Variants in CHN2 observed in about 807,000 individuals in gnomAD.
CHN2 encodes chimerin 2.
CHN2 carries 35 observed loss-of-function variants against 56.3 expected under a neutral mutation model. That is an observed-to-expected ratio of 0.62 (90% CI 0.47 to 0.82). The LOEUF (loss-of-function observed/expected upper bound fraction) is 0.82, where lower values mean the gene tolerates loss of function less well. Among genes scored for constraint, CHN2 ranks in the 40% least tolerant of loss-of-function variants. The pLI is 0.00. For missense variants in CHN2, 491 were observed against 580.5 expected (o/e 0.85, Z 1.58); for synonymous variants, 210 against 212.8 (o/e 0.99, Z 0.12).
At chr7:29,201,393 T>C (rs1232855859) in intron 1 of CHN2, among the ~76,000 whole-genome samples, 2 of 151,222 alleles carry the variant, frequency 1.3e-5, no homozygotes, top group East Asian at 3.9e-4. Context: ...AGTAGCATCA[T>C]CCTTAGAGAA....
At chr7:29,463,137 C>A (rs576875365) in intron 6 of CHN2, among the ~76,000 whole-genome samples, 1 of 152,148 alleles carries the variant, frequency 6.6e-6, no homozygotes, top group East Asian at 1.9e-4. Context: ...TCATTAATAC[C>A]TAGCATTTCT....
rs1800453558 is a variant in CHN2, at chr7:29,380,990, C to G, written c.145-12689C>G. The stretch of plus-strand genomic sequence containing the variant: ...AGCCTTATTCTGTAGAGAATATTCT[C>G]AGATTCTCATTTGCACTGAAGACCA... On this transcript the variant is annotated intron_variant, in intron 3 of 12. Coordinates refer to ENST00000222792, the MANE Select transcript of CHN2 (RefSeq NM_004067.4). Among the ~76,000 whole-genome samples, 3 of 152,248 alleles carry G rather than the reference C, an allele frequency of 2.0e-5. No homozygotes were observed. The South Asian group carries it at 6.2e-4, about 32-fold the overall frequency.
chr7:29,198,851 A>T (rs931960791), intron 1 of CHN2, among the ~76,000 whole-genome samples: 9 of 152,238 alleles, frequency 5.9e-5, no homozygotes, highest in Non-Finnish European at 1.0e-4. Context: ...TAAAGAAGAT[A>T]TGAGATGTTC....
intron 6 of CHN2, chr7:29,445,058 T>G: frequency 2.2e-6 from 1 of 450,302 alleles, no homozygotes; most frequent in Non-Finnish European, 4.5e-6. Flanking sequence ...TCTCTCCCAT[T>G]TTAGTCTGTT....
In CHN2 at chr7:29,288,688, G is replaced by T. The variant is rs144514885; in HGVS notation, c.50-65937G>T. ...AGAGGAACAATAAGGAACCAGAATT[G>T]AAAACAAATAGTAAACTAGAGACAA... On this transcript the variant is annotated intron_variant, in intron 1 of 12. Coordinates refer to ENST00000222792, the MANE Select transcript of CHN2 (RefSeq NM_004067.4). Among the ~76,000 whole-genome samples, 417 of 152,278 alleles carry T rather than the reference G, an allele frequency of 2.7e-3. 1 individual carries two copies. Among genetic ancestry groups the T allele is most frequent in the African/African-American group, 9.7e-3 (405 of 41,552 alleles).
intron 1 of CHN2, among the ~76,000 whole-genome samples, chr7:29,214,999 C>T (rs1425869343): frequency 6.6e-6 from 1 of 152,090 alleles, no homozygotes; most frequent in Non-Finnish European, 1.5e-5. Context: ...CTTGGGTCAC[C>T]AGCTACTAGC....
At chr7:29,234,863 GGT>G (rs1787063150) in intron 1 of CHN2, among the ~76,000 whole-genome samples, 1 of 152,130 alleles carries the variant, frequency 6.6e-6, no homozygotes. Flanking sequence ...CTTTTCCCAA[GGT>G]CTCATTTGTT....
chr7:29,300,787 A>G (rs1006211475), intron 1 of CHN2, among the ~76,000 whole-genome samples: 1 of 152,244 alleles, frequency 6.6e-6, no homozygotes. Flanking sequence ...TTAAGCAGCA[A>G]GTATGCCTAG....
At chr7:29,332,569 G>A (rs1048083454) in intron 1 of CHN2, among the ~76,000 whole-genome samples, 5 of 137,948 alleles carry the variant, frequency 3.6e-5, no homozygotes, top group Admixed American at 2.3e-4. Flanking sequence ...TTCCCCGTCA[G>A]CCACACGGTC....
rs886079259 is a variant in CHN2, at chr7:29,303,624, T to A, written c.50-51001T>A. 1.3e-4 allele frequency among the ~76,000 whole-genome samples: 20 copies of A among 152,210 alleles called. No homozygotes were observed. In the South Asian group the frequency reaches 3.1e-3, roughly 24 times the overall value. On this transcript the variant is annotated intron_variant, in intron 1 of 12. Transcript: ENST00000222792. ...CACCACCTCCATCCATTCACTAGCTTCCCCCAGCCTATAGGACTTTCTTCA... is the reference window on the plus strand; with the variant it reads ...CACCACCTCCATCCATTCACTAGCTACCCCCAGCCTATAGGACTTTCTTCA...
chr7:29,205,677 A>G (rs1427529573), intron 1 of CHN2, among the ~76,000 whole-genome samples: 2 of 152,146 alleles, frequency 1.3e-5, no homozygotes, highest in African/African-American at 4.8e-5. Context: ...TTGGAGTGTA[A>G]TCGTGCCAAC....
intron 1 of CHN2, among the ~76,000 whole-genome samples, chr7:29,282,792 A>G (rs1791827102): frequency 6.6e-6 from 1 of 152,236 alleles, no homozygotes; most frequent in African/African-American, 2.4e-5. Context: ...CATGAAGATC[A>G]CGCGACAGAG....
chr7:29,205,757 G>A (rs1784473891), intron 1 of CHN2, among the ~76,000 whole-genome samples: 1 of 152,054 alleles, frequency 6.6e-6, no homozygotes, highest in Admixed American at 6.5e-5. Flanking sequence ...AATTAGCTCA[G>A]TCAATCCAAG....
At chr7:29,344,337 C>G (rs530373906) in intron 1 of CHN2, among the ~76,000 whole-genome samples, 2 of 152,244 alleles carry the variant, frequency 1.3e-5, no homozygotes, top group East Asian at 3.9e-4. Context: ...CTGTATTATC[C>G]CCGCTTGCAT....
intron 9 of CHN2, 23 bp from the exon 10 acceptor site, chr7:29,504,721 G>A (rs1562670197): frequency 5.4e-6 from 7 of 1,285,628 alleles, no homozygotes; most frequent in Non-Finnish European, 6.5e-6. Context: ...GCTAAAGTCA[G>A]TCTCTCTCTC....
At chr7:29,221,213 A>C (rs1484945690) in intron 1 of CHN2, among the ~76,000 whole-genome samples, 1 of 152,226 alleles carries the variant, frequency 6.6e-6, no homozygotes, top group African/African-American at 2.4e-5. Flanking sequence ...CAATAAGCCA[A>C]GAAAAAATTG....
At chr7:29,159,845 TC>T in intron 2 of CHN2, among the ~76,000 whole-genome samples, 1 of 152,200 alleles carries the variant, frequency 6.6e-6, no homozygotes, top group South Asian at 2.1e-4. Context: ...GTGATTTGTC[TC>T]AACTAGTGTA....
chr7:29,498,283 G>A (rs1242193328), intron 8 of CHN2, among the ~76,000 whole-genome samples: 1 of 152,166 alleles, frequency 6.6e-6, no homozygotes, highest in Non-Finnish European at 1.5e-5. Context: ...CAGGAGGTAG[G>A]TGCTATTATG....
rs17157717 is a variant in CHN2, at chr7:29,290,199, T to C, written c.50-64426T>C. ...CAAACATGCTGCATTCACGTTCTTT[T>C]TCTGGGCCTTTGCTCTTGGCCTCTG... On this transcript the variant is annotated intron_variant, in intron 1 of 12. Transcript: ENST00000222792. 3.5e-3 allele frequency among the ~76,000 whole-genome samples: 529 copies of C among 152,318 alleles called. 3 individuals are homozygous for C. The highest frequency in any genetic ancestry group is 0.012 in the African/African-American group (507 of 41,576).
Sources: allele counts gnomAD v4.1 joint callset (sites outside exome capture counted in the v4.1 genomes callset), GRCh38; gene constraint gnomAD v4.1.1; transcripts MANE v1.5; gene names NCBI Gene and HGNC (gene_info 2026-07-23, HGNC 2026-07-21).